Variants in ITGA9 observed in about 807,000 individuals in gnomAD.
The protein encoded by ITGA9 is integrin alpha-9.
In ITGA9, 56 loss-of-function variants were observed where a neutral mutation model predicts 127.8. The ratio of observed to expected loss-of-function variants is 0.44; its 90% confidence interval spans 0.35 to 0.55. The LOEUF (loss-of-function observed/expected upper bound fraction) is 0.55, where lower values mean the gene tolerates loss of function less well. Ranked by LOEUF, ITGA9 falls within the 20% of genes least tolerant of loss-of-function variation. ITGA9 has a pLI of 0.00. For synonymous variants in ITGA9, 508 were observed against 514.5 expected (o/e 0.99, Z 0.17); for missense variants, 1,196 against 1,347.1 (o/e 0.89, Z 1.76).
intron 15 of ITGA9, among the ~76,000 whole-genome samples, chr3:37,611,036 A>G (rs1700011206): frequency 6.6e-6 from 1 of 152,236 alleles, no homozygotes; most frequent in Non-Finnish European, 1.5e-5. Context: ...GTAGAGCAAA[A>G]AAAAAGTAAA....
intron 15 of ITGA9, among the ~76,000 whole-genome samples, chr3:37,547,368 A>G (rs1176352654): frequency 6.6e-6 from 1 of 152,104 alleles, no homozygotes; most frequent in Non-Finnish European, 1.5e-5. Context: ...TGGCCTGGCG[A>G]AGGGTGGGAC....
chr3:37,735,379 T>G (rs554744143), intron 19 of ITGA9, among the ~76,000 whole-genome samples: 4 of 152,224 alleles, frequency 2.6e-5, no homozygotes, highest in Admixed American at 2.6e-4. Flanking sequence ...GAAATTTCTG[T>G]CTAGAAAGAG....
At chr3:37,671,228 C>T (rs920981316) in intron 17 of ITGA9, among the ~76,000 whole-genome samples, 4 of 152,190 alleles carry the variant, frequency 2.6e-5, no homozygotes, top group East Asian at 3.9e-4. Flanking sequence ...TTAGTGATTC[C>T]GGAAACTACT....
At position 37,653,594 on chromosome 3, in the gene ITGA9, T is replaced by C. The variant is rs936801329; in HGVS notation, c.1840-120T>C. On this transcript the variant is annotated intron_variant, in intron 16 of 27. Transcript: ENST00000264741. ...AGAGCTGGCTTTTTGGAGGTGGGAGTAGAAGCCCTGAGGGGCTCAGGGGAG... is the reference window on the plus strand; with the variant it reads ...AGAGCTGGCTTTTTGGAGGTGGGAGCAGAAGCCCTGAGGGGCTCAGGGGAG... 7.4e-6 allele frequency: 6 copies of C among 807,666 alleles called. No homozygotes were observed. In the African/African-American group the frequency reaches 1.0e-4, roughly 14 times the overall value. 50.0% of individuals were successfully genotyped at this position (807,666 alleles called of 1,614,324 possible). A position where few individuals can be genotyped will look rare whatever the true frequency, so the allele number is the denominator to read the frequency against.
chr3:37,732,678 C>T (rs1385614737), intron 18 of ITGA9, 34 bp from the exon 19 acceptor site: 3 of 1,539,936 alleles, frequency 1.9e-6, no homozygotes, highest in Non-Finnish European at 2.7e-6. Context: ...GCCTTTTGTG[C>T]AGCCGGCCCA....
At chr3:37,731,393 A>G (rs1449477263) in intron 18 of ITGA9, among the ~76,000 whole-genome samples, 1 of 152,234 alleles carries the variant, frequency 6.6e-6, no homozygotes. Context: ...CTCTGTGTGA[A>G]TAACACTGGC....
At chr3:37,529,442 T>C (rs771733703) in intron 13 of ITGA9, among the ~76,000 whole-genome samples, 7 of 151,884 alleles carry the variant, frequency 4.6e-5, no homozygotes, top group Non-Finnish European at 7.4e-5. Flanking sequence ...AGAGAAGTGA[T>C]GGGGCAAAAG....
chr3:37,486,758 A>G (rs1380670631), intron 4 of ITGA9, among the ~76,000 whole-genome samples: 1 of 152,238 alleles, frequency 6.6e-6, no homozygotes, highest in Non-Finnish European at 1.5e-5. Flanking sequence ...AGATGACCTA[A>G]AACTTTAACT....
At chr3:37,738,898 CAT>C (rs1426089243) in intron 20 of ITGA9, among the ~76,000 whole-genome samples, 1 of 152,212 alleles carries the variant, frequency 6.6e-6, no homozygotes, top group Non-Finnish European at 1.5e-5. Context: ...GTTAGAATAA[CAT>C]GTCCACACAG....
chr3:37,709,019 A>G (rs890358641), intron 18 of ITGA9, among the ~76,000 whole-genome samples: 4 of 152,190 alleles, frequency 2.6e-5, no homozygotes, highest in African/African-American at 4.8e-5. Flanking sequence ...AAGTTCAATG[A>G]TGTCTCTGCC....
At chr3:37,731,001 T>G (rs1575211893) in intron 18 of ITGA9, among the ~76,000 whole-genome samples, 1 of 152,336 alleles carries the variant, frequency 6.6e-6, no homozygotes, top group East Asian at 1.9e-4. Flanking sequence ...ACAGACATAT[T>G]TTAAGAAGCT....
intron 26 of ITGA9, among the ~76,000 whole-genome samples, chr3:37,798,991 A>C (rs990021264): frequency 4.6e-5 from 7 of 152,290 alleles, no homozygotes; most frequent in African/African-American, 1.7e-4. Flanking sequence ...GATTGACCAT[A>C]GTTTACTTAT....
intron 15 of ITGA9, among the ~76,000 whole-genome samples, chr3:37,568,685 C>T (rs1213723051): frequency 2.0e-5 from 3 of 152,200 alleles, no homozygotes; most frequent in African/African-American, 7.2e-5. Context: ...AGAGCAGGGG[C>T]AAAATGCCAC....
chr3:37,615,927 T>C lies in ITGA9; in HGVS notation c.1690-13260T>C, dbSNP rs189891118. ...TTCAAAAAAACAGCTCCTGGATTCA[T>C]TGATTTTTTTGAAGGGTTTTTTGTG... is the stretch of plus-strand genomic sequence containing the variant. On this transcript the variant is annotated intron_variant, in intron 15 of 27. Coordinates refer to ENST00000264741, the MANE Select transcript of ITGA9 (RefSeq NM_002207.3). Among the ~76,000 whole-genome samples, 521 of 152,338 alleles carry C rather than the reference T, an allele frequency of 3.4e-3. 2 individuals are homozygous for C. The highest frequency in any genetic ancestry group is 0.012 in the African/African-American group (504 of 41,574).
intron 25 of ITGA9, among the ~76,000 whole-genome samples, chr3:37,782,686 C>T (rs867712909): frequency 2.6e-5 from 4 of 152,226 alleles, no homozygotes; most frequent in African/African-American, 4.8e-5. Flanking sequence ...CCAGGCCTCC[C>T]GAAGGATGTG....
intron 15 of ITGA9, among the ~76,000 whole-genome samples, chr3:37,599,770 T>G (rs927488855): frequency 1.3e-5 from 2 of 152,226 alleles, no homozygotes; most frequent in Non-Finnish European, 2.9e-5. Flanking sequence ...TAAATGCACA[T>G]GTACCTAATG....
At chr3:37,481,149 C>T (rs146072618) in intron 3 of ITGA9, among the ~76,000 whole-genome samples, 1 of 152,322 alleles carries the variant, frequency 6.6e-6, no homozygotes, top group East Asian at 1.9e-4. Context: ...TCCCCTCATG[C>T]TTCAGGCCTT....
chr3:37,796,444 C>A (rs149929123), intron 26 of ITGA9, among the ~76,000 whole-genome samples: 1 of 152,106 alleles, frequency 6.6e-6, no homozygotes, highest in Non-Finnish European at 1.5e-5. Flanking sequence ...ATAGGAGATA[C>A]TGCAGACACA....
At chr3:37,503,075 G>C in intron 5 of ITGA9, 103 bp from the exon 6 acceptor site, 1 of 1,366,076 alleles carries the variant, frequency 7.3e-7, no homozygotes, top group Non-Finnish European at 1.0e-6. Context: ...AAAAGTTCTT[G>C]GTGTGAGGAA....
Sources: gnomAD v4.1 joint callset for allele counts (sites outside exome capture counted in the v4.1 genomes callset) on GRCh38, gnomAD v4.1.1 for gene constraint, MANE v1.5 for transcripts, NCBI Gene and HGNC (gene_info 2026-07-23, HGNC 2026-07-21) for gene names.